NCOA1: variants seen among roughly 807,000 people sequenced by gnomAD.
The protein encoded by NCOA1 is Hin-2 protein.
Under a neutral mutation model 150.9 loss-of-function variants are expected in NCOA1, and 35 were observed. The ratio of observed to expected loss-of-function variants is 0.23; its 90% CI spans 0.18 to 0.31. The LOEUF (loss-of-function observed/expected upper bound fraction) is 0.31. Among genes scored for constraint, NCOA1 ranks in the 10% least tolerant of loss-of-function variants. NCOA1 has a pLI of 1.00. For missense variants in NCOA1, 1,491 were observed against 1,749.3 expected, an observed-to-expected ratio of 0.85 and a Z score of 2.63; for synonymous variants, 590 against 630.0, an observed-to-expected ratio of 0.94 and a Z score of 0.95.
intron 21 of NCOA1, among the ~76,000 whole-genome samples, chr2:24,758,512 G>T (rs1289474758): frequency 6.6e-6 from 1 of 151,554 alleles, no homozygotes; most frequent in Non-Finnish European, 1.5e-5. Flanking sequence ...TTTACTATTT[G>T]CAGAAACAAG....
chr2:24,715,375 G>A (rs1673971299), intron 14 of NCOA1, among the ~76,000 whole-genome samples: 1 of 151,926 alleles, frequency 6.6e-6, no homozygotes, highest in Non-Finnish European at 1.5e-5. Flanking sequence ...CCAAAAATGG[G>A]GTAGAATAAA....
chr2:24,594,156 A>T (rs1310937085), intron 3 of NCOA1, among the ~76,000 whole-genome samples: 1 of 152,134 alleles, frequency 6.6e-6, no homozygotes, highest in Admixed American at 6.6e-5. Flanking sequence ...AACATTGAAG[A>T]ATCCAGAATT....
intron 14 of NCOA1, 127 bp from the exon 15 acceptor site, chr2:24,726,462 T>G (rs1417691092): frequency 1.9e-6 from 1 of 538,670 alleles, no homozygotes; most frequent in East Asian, 3.1e-5. Flanking sequence ...GCTGAATAAG[T>G]GACCTTTGTA....
intron 1 of NCOA1, among the ~76,000 whole-genome samples, chr2:24,552,313 C>CATATATATT (rs1426925266): frequency 2.5e-5 from 2 of 80,256 alleles, no homozygotes; most frequent in African/African-American, 1.1e-4. Flanking sequence ...CACTGTGCTT[C>CATATATATT]ATATATATTA....
rs755516427 is a variant in NCOA1, at chr2:24,705,166, T to A, written c.1030T>A (p.Cys344Ser). The A allele has an allele frequency of 8.7e-6, 14 of 1,614,122 alleles. No homozygotes were observed. Among genetic ancestry groups the A allele is most frequent in the Non-Finnish European group, 1.2e-5 (14 of 1,179,968 alleles). ...GACAATGCTTAGCGCCCACACCAAG[T>A]GTAAACTTTGCTACCCTCAAAGTCC... is the stretch of plus-strand genomic sequence containing the variant. ...DGTMLSAHTK[C>S]KLCYPQSPDM... Residue 344 changes from cysteine (C) to serine (S), a missense_variant, in exon 12 of 23, where the codon TGT becomes AGT. Physicochemically the swap from Cys to Ser is moderately radical, Grantham distance 112. Coordinates refer to ENST00000348332, the MANE Select transcript of NCOA1 (RefSeq NM_003743.5).
At chr2:24,547,290 A>G (rs374502164) in intron 1 of NCOA1, among the ~76,000 whole-genome samples, 1 of 152,190 alleles carries the variant, frequency 6.6e-6, no homozygotes, top group African/African-American at 2.4e-5. Context: ...AGATTTTGGG[A>G]TAATGGGAGG....
chr2:24,556,297 G>A (rs542006941), intron 1 of NCOA1, among the ~76,000 whole-genome samples: 114 of 152,210 alleles, frequency 7.5e-4, no homozygotes, highest in Admixed American at 2.0e-3. Context: ...GGCTTCCAGC[G>A]CCATCCATGT....
At chr2:24,544,990 CA>C (rs1264633830) in intron 1 of NCOA1, among the ~76,000 whole-genome samples, 1 of 152,110 alleles carries the variant, frequency 6.6e-6, no homozygotes, top group Non-Finnish European at 1.5e-5. Flanking sequence ...AAGCATTGAA[CA>C]CACATTTACC....
rs13382796 is a variant in NCOA1 at position 24,662,031 on chromosome 2, A to G, written c.89+3265A>G. Among the ~76,000 whole-genome samples, 523 of 152,362 alleles carry G rather than the reference A, an allele frequency of 3.4e-3. 5 individuals carry two copies. Among genetic ancestry groups the G allele is most frequent in the African/African-American group, 0.012 (484 of 41,588 alleles). ...TCTCCTTGAGGTTTATAACTGAAATATGGGCTTCAGCTTTAACAAAACAAT... is the reference window on the plus strand; with the variant it reads ...TCTCCTTGAGGTTTATAACTGAAATGTGGGCTTCAGCTTTAACAAAACAAT... On this transcript the variant is annotated intron_variant, in intron 5 of 22. Transcript: ENST00000348332.
intron 5 of NCOA1, among the ~76,000 whole-genome samples, chr2:24,660,219 A>C (rs1460567135): frequency 6.6e-6 from 1 of 152,214 alleles, no homozygotes; most frequent in Non-Finnish European, 1.5e-5. Flanking sequence ...CAGTCCTTAA[A>C]GGAAAAGCTA....
chr2:24,536,749 C>G (rs2148182200), intron 1 of NCOA1, among the ~76,000 whole-genome samples: 1 of 152,282 alleles, frequency 6.6e-6, no homozygotes, highest in East Asian at 1.9e-4. Context: ...GAGGTCCACT[C>G]CAGACCCTGT....
At chr2:24,516,186 C>T (rs1281143998) in intron 1 of NCOA1, among the ~76,000 whole-genome samples, 2 of 93,010 alleles carry the variant, frequency 2.2e-5, no homozygotes, top group Admixed American at 1.4e-4. Flanking sequence ...TAGGTTTTGC[C>T]TTTTTTTTTT....
chr2:24,535,025 ATCTG>A (rs1471680253), intron 1 of NCOA1, among the ~76,000 whole-genome samples: 2 of 152,238 alleles, frequency 1.3e-5, no homozygotes, highest in African/African-American at 4.8e-5. Flanking sequence ...TGTCTTATTG[ATCTG>A]TCTAATATTG....
chr2:24,586,277 A>C (rs1400037441), intron 3 of NCOA1, among the ~76,000 whole-genome samples: 2 of 34,434 alleles, frequency 5.8e-5, no homozygotes, highest in Admixed American at 6.8e-4. Context: ...CTCGGTCTCA[A>C]AAAAAAAAAA....
chr2:24,558,678 A>AT lies in NCOA1; in HGVS notation c.-395-5616dup, dbSNP rs1449841489. Among the ~76,000 whole-genome samples the AT allele has an allele frequency of 2.5e-4, 38 of 152,234 alleles. 1 individual carries two copies. The highest frequency in any genetic ancestry group is 2.5e-3 in the Admixed American group (38 of 15,286). The stretch of plus-strand genomic sequence containing the variant: ...AATATCAAAAGCGAAACACCGAAGC[A>AT]TCAGGTTTTTGTAGAGGGAAAAGTT... On this transcript the variant is annotated intron_variant, in intron 1 of 22. Coordinates refer to ENST00000348332, the MANE Select transcript of NCOA1 (RefSeq NM_003743.5).
chr2:24,496,227 T>A (rs1663206068), intron 1 of NCOA1, among the ~76,000 whole-genome samples: 1 of 152,196 alleles, frequency 6.6e-6, no homozygotes, highest in Admixed American at 6.5e-5. Context: ...TCTAAAAAAA[T>A]TTTTTTATGT....
chr2:24,683,399 ATGTGTATCCTTTC>A (rs1672262543), intron 8 of NCOA1, among the ~76,000 whole-genome samples: 2 of 152,198 alleles, frequency 1.3e-5, no homozygotes, highest in African/African-American at 2.4e-5. Context: ...AAAGAGACAA[ATGTGTATCCTTTC>A]CATTACCCTG....
intron 1 of NCOA1, among the ~76,000 whole-genome samples, chr2:24,546,687 C>G (rs1360798502): frequency 6.6e-6 from 1 of 152,150 alleles, no homozygotes; most frequent in Non-Finnish European, 1.5e-5. Flanking sequence ...ATAATTTTTA[C>G]AATTCTGGGG....
chr2:24,640,665 A>T (rs1670173285), intron 3 of NCOA1, among the ~76,000 whole-genome samples: 1 of 151,924 alleles, frequency 6.6e-6, no homozygotes, highest in South Asian at 2.1e-4. Context: ...TAAAATTCTG[A>T]TTCTGTCTTC....
Sources: gnomAD v4.1 joint callset for allele counts (sites outside exome capture counted in the v4.1 genomes callset) on GRCh38, gnomAD v4.1.1 for gene constraint, MANE v1.5 for transcripts, NCBI Gene and HGNC (gene_info 2026-07-23, HGNC 2026-07-21) for gene names.